TTC7A: variants seen among roughly 807,000 people sequenced by gnomAD.
TTC7A encodes tetratricopeptide repeat domain 7A.
In TTC7A, 110 loss-of-function variants were observed where a neutral mutation model predicts 103.7. That is an observed-to-expected ratio of 1.06 (90% confidence interval 0.91 to 1.24). The LOEUF (loss-of-function observed/expected upper bound fraction) is 1.24. TTC7A is among the 50% of genes most tolerant of loss of function. TTC7A has a pLI of 0.00. For synonymous variants in TTC7A, 521 were observed against 467.9 expected (o/e 1.11, Z -1.47); for missense variants, 1,340 against 1,116.3 (o/e 1.20, Z -2.86).
rs1049375039 is a variant in TTC7A at position 47,073,963 on chromosome 2, G to T, written c.*40G>T. On this transcript the variant is annotated 3_prime_UTR_variant, in exon 20 of 20. Coordinates refer to ENST00000319190, the MANE Select transcript of TTC7A (RefSeq NM_020458.4). ...CAGGGAGGGAGGGGCTGGCCAGAGGGAGAGGCAGCAGGGAACGTGGGTCAG... is the reference window on the plus strand; with the variant it reads ...CAGGGAGGGAGGGGCTGGCCAGAGGTAGAGGCAGCAGGGAACGTGGGTCAG... 18 of 1,562,220 alleles carry T rather than the reference G, an allele frequency of 1.2e-5. No individual in the cohort carries two copies. The highest frequency in any genetic ancestry group is 1.6e-5 in the Non-Finnish European group (18 of 1,145,362).
At chr2:46,927,713 A>G (rs1423033246) in intron 2 of TTC7A, among the ~76,000 whole-genome samples, 2 of 152,054 alleles carry the variant, frequency 1.3e-5, no homozygotes, top group Non-Finnish European at 2.9e-5. Flanking sequence ...CACAACAGGA[A>G]CAGTGGAAGC....
rs1319104023 is a variant in TTC7A, at chr2:47,046,348, G to A, written c.1836G>A (p.Val612=). 3.1e-6 allele frequency: 5 copies of A among 1,614,194 alleles called. No homozygotes were observed. In the South Asian group the frequency reaches 4.4e-5, roughly 14 times the overall value. Reference sequence around the variant, plus strand: ...TCACCAAGGTGAAGCTGGAGCAGGTGCTGAAAGGCCCAGAGGAAGCCCTCG... The same window carrying A: ...TCACCAAGGTGAAGCTGGAGCAGGTACTGAAAGGCCCAGAGGAAGCCCTCG... ...LMFTKVKLEQ[V]LKGPEEALVT... The change falls in exon 16 of 20, where the codon GTG becomes GTA. Residue 612 remains valine (V), a synonymous_variant. Transcript: ENST00000319190.
chr2:47,059,085 G>A (rs369899327), intron 18 of TTC7A, among the ~76,000 whole-genome samples: 37 of 131,960 alleles, frequency 2.8e-4, no homozygotes, highest in Middle Eastern at 4.7e-3. Context: ...ACAGTGGCGC[G>A]ATCGCAGCTC....
At chr2:47,051,905 C>CA in intron 18 of TTC7A, 25 bp downstream of exon 18, 1 of 1,578,352 alleles carries the variant, frequency 6.3e-7, no homozygotes, top group Non-Finnish European at 8.6e-7. Flanking sequence ...CCCAGTGACA[C>CA]ACACAGCCTG....
chr2:46,990,706 A>T lies in TTC7A; in HGVS notation c.765-2744A>T, dbSNP rs562383668. Among the ~76,000 whole-genome samples, 4 of 152,302 alleles carry T rather than the reference A, an allele frequency of 2.6e-5. No individual in the cohort carries two copies. In the South Asian group the frequency reaches 8.3e-4, roughly 32 times the overall value. On this transcript the variant is annotated intron_variant, in intron 5 of 19. Transcript: ENST00000319190. ...GACTAGGACTTAGGGAGGCTGCCTC[A>T]CTTTCCCAAGATTACAGACTTAGGG...
chr2:46,955,990 G>C (rs1476799239), intron 2 of TTC7A, among the ~76,000 whole-genome samples: 1 of 152,224 alleles, frequency 6.6e-6, no homozygotes, highest in Non-Finnish European at 1.5e-5. Flanking sequence ...GTTACAAGGA[G>C]AACTGGGGCC....
chr2:46,942,735 T>G (rs1670547817), intron 1 of TTC7A, among the ~76,000 whole-genome samples: 1 of 152,164 alleles, frequency 6.6e-6, no homozygotes, highest in South Asian at 2.1e-4. Flanking sequence ...GTGCCCAGGT[T>G]TCTGAGTACA....
At chr2:46,942,331 C>T (rs1335908808) in intron 1 of TTC7A, among the ~76,000 whole-genome samples, 2 of 152,082 alleles carry the variant, frequency 1.3e-5, no homozygotes, top group African/African-American at 4.8e-5. Flanking sequence ...GGCGGGAAAG[C>T]ACCCTGATGT....
chr2:46,987,125 G>C (rs775526513), intron 5 of TTC7A, among the ~76,000 whole-genome samples: 5 of 152,200 alleles, frequency 3.3e-5, no homozygotes, highest in Non-Finnish European at 7.4e-5. Context: ...GGAGGCCCCA[G>C]TGCAAAAGAG....
In TTC7A at chr2:46,924,638, T is replaced by C. The variant is rs932000636; in HGVS notation, c.82+7361T>C. 4.8e-4 allele frequency among the ~76,000 whole-genome samples: 73 copies of C among 152,064 alleles called. 1 individual carries two copies. The highest frequency in any genetic ancestry group is 8.2e-4 in the Non-Finnish European group (56 of 68,004). Reference sequence around the variant, plus strand: ...CATTGGATATTTTCTTTTTTTTTTTTCCCCTGGAGATAGGGTCTTGCTCTG... The same window carrying C: ...CATTGGATATTTTCTTTTTTTTTTTCCCCCTGGAGATAGGGTCTTGCTCTG... On this transcript the variant is annotated intron_variant, in intron 2 of 20. Transcript: ENST00000409245.
At chr2:47,022,008 C>G (rs1159537935) in intron 12 of TTC7A, 29 bp downstream of exon 12, 1 of 1,550,676 alleles carries the variant, frequency 6.4e-7, no homozygotes, top group African/African-American at 1.4e-5. Flanking sequence ...GAGGCCTCTA[C>G]TTGGGGATGG....
chr2:46,941,439 C>G lies in TTC7A; in HGVS notation c.-103C>G, dbSNP rs1243641515. 2.4e-6 allele frequency: 3 copies of G among 1,264,654 alleles called. No homozygotes were observed. Among genetic ancestry groups the G allele is most frequent in the African/African-American group, 3.1e-5 (2 of 64,282 alleles). The allele number at this position is 1,264,654 out of a possible 1,614,324, so 78.3% of individuals were successfully genotyped here. ...CCGCCCGGGCCCCGGCTGCCGTCTG[C>G]GCCCCCGTCGACCCCGCCCGCGAGT... is the stretch of plus-strand genomic sequence containing the variant. On this transcript the variant is annotated 5_prime_UTR_variant, in exon 1 of 20. Coordinates refer to ENST00000319190, the MANE Select transcript of TTC7A (RefSeq NM_020458.4). The surrounding 1 kb of genome is among the most constrained non-coding windows in gnomAD (Gnocchi z 4.2).
At chr2:46,924,586 T>C (rs888953021) in intron 2 of TTC7A, among the ~76,000 whole-genome samples, 25 of 152,148 alleles carry the variant, frequency 1.6e-4, no homozygotes. Flanking sequence ...ATATACCATG[T>C]GATATTCATA....
upstream of TTC7A, among the ~76,000 whole-genome samples, chr2:46,937,392 A>T (rs1398009234): frequency 6.6e-6 from 1 of 152,172 alleles, no homozygotes; most frequent in Non-Finnish European, 1.5e-5. This position sits in a 1 kb window ranked among gnomAD's most constrained non-coding sequence, Gnocchi z 4.0. Flanking sequence ...ATAGAAAAAA[A>T]AAATCTCTAT....
chr2:46,976,737 C>A (rs963815138), intron 4 of TTC7A, among the ~76,000 whole-genome samples: 2 of 152,202 alleles, frequency 1.3e-5, no homozygotes, highest in Non-Finnish European at 2.9e-5. Context: ...CCCCACTATG[C>A]CAGTAGCACT....
chr2:46,937,175 C>G (rs1258576431), upstream of TTC7A, among the ~76,000 whole-genome samples: 3 of 152,064 alleles, frequency 2.0e-5, no homozygotes, highest in East Asian at 5.8e-4. This position sits in a 1 kb window ranked among gnomAD's most constrained non-coding sequence, Gnocchi z 4.0. Context: ...ACTTCCTTAA[C>G]AGATTTCTTG....
chr2:46,968,956 A>C (rs1558520314), intron 3 of TTC7A, among the ~76,000 whole-genome samples: 1 of 146,022 alleles, frequency 6.8e-6, no homozygotes. Context: ...TTTTTAAGAG[A>C]TAAAGTCTCG....
intron 18 of TTC7A, among the ~76,000 whole-genome samples, chr2:47,053,013 A>G (rs1458126347): frequency 6.6e-6 from 1 of 152,210 alleles, no homozygotes; most frequent in African/African-American, 2.4e-5. Context: ...TGTTCCTCAC[A>G]TACGGCACAT....
intron 19 of TTC7A, among the ~76,000 whole-genome samples, chr2:47,066,333 G>C (rs960453272): frequency 6.6e-6 from 1 of 152,144 alleles, no homozygotes; most frequent in Non-Finnish European, 1.5e-5. Flanking sequence ...TGTGGCATGA[G>C]GGGGCACATC....
Sources: gnomAD v4.1 joint callset for allele counts (sites outside exome capture counted in the v4.1 genomes callset) on GRCh38, gnomAD v4.1.1 for gene constraint, Gnocchi (gnomAD v3.1) non-coding constraint, MANE v1.5 for transcripts, NCBI Gene and HGNC (gene_info 2026-07-23, HGNC 2026-07-21) for gene names.